Variants in TENM1 observed in about 807,000 individuals in gnomAD.
The protein encoded by TENM1 is teneurin transmembrane protein 1, also known as teneurin-1.
In TENM1, 35 loss-of-function variants were observed where a neutral mutation model predicts 174.8. The ratio of observed to expected loss-of-function variants is 0.20; its 90% CI spans 0.15 to 0.27. The LOEUF is 0.27. Among genes scored for constraint, TENM1 ranks in the 10% least tolerant of loss-of-function variants. TENM1 has a pLI of 1.00. For missense variants in TENM1, 1,633 were observed against 2,130.1 expected (o/e 0.77, Z 4.59); for synonymous variants, 781 against 798.7 (o/e 0.98, Z 0.37).
At chrX:125,006,011 C>G in the TENM1 span, among the ~76,000 whole-genome samples, 2,623 of 111,338 alleles carry the variant, frequency 0.024, 78 homozygotes, top group African/African-American at 0.079. Context: ...TCCAGTGAGA[C>G]AGGAGAACCG....
At chrX:125,186,478 G>A in the TENM1 span, among the ~76,000 whole-genome samples, 8 of 110,479 alleles carry the variant, frequency 7.2e-5, no homozygotes, top group African/African-American at 2.6e-4. Context: ...GGCCTGGTAC[G>A]AGGTGTTTAG....
At chrX:124,678,939 A>G (rs911589290) in intron 5 of TENM1, among the ~76,000 whole-genome samples, 15 of 111,671 alleles carry the variant, frequency 1.3e-4, no homozygotes, top group African/African-American at 4.9e-4. Flanking sequence ...ACACCTAACA[A>G]TAAATAGGGC....
At chrX:124,817,215 A>C (rs1418719350) in intron 3 of TENM1, among the ~76,000 whole-genome samples, 2 of 111,389 alleles carry the variant, frequency 1.8e-5, no homozygotes, top group Non-Finnish European at 1.9e-5. Flanking sequence ...AAAGGACATG[A>C]ACTCATCATT....
intron 23 of TENM1, among the ~76,000 whole-genome samples, chrX:124,444,899 C>T (rs777676371): frequency 4.5e-5 from 5 of 111,333 alleles, no homozygotes; most frequent in East Asian, 2.8e-4. Flanking sequence ...AGGGCTGTCA[C>T]GTGGAGGAGG....
intron 18 of TENM1, among the ~76,000 whole-genome samples, chrX:124,520,141 T>C (rs753855292): frequency 8.9e-6 from 1 of 112,001 alleles, no homozygotes; most frequent in African/African-American, 3.2e-5. Context: ...GAGATGGCCA[T>C]AAGTTAGAAT....
chrX:124,897,515 G>T (rs2057583253), intron 1 of TENM1, among the ~76,000 whole-genome samples: 1 of 111,738 alleles, frequency 8.9e-6, no homozygotes, highest in African/African-American at 3.2e-5. Context: ...AGCAGAATAT[G>T]AATATATTTT....
At chrX:125,200,654 TGAGAGAGAGA>T in the TENM1 span, among the ~76,000 whole-genome samples, 4 of 92,424 alleles carry the variant, frequency 4.3e-5, no homozygotes, top group Admixed American at 2.5e-4. Context: ...TGTGTGTGTG[TGAGAGAGAGA>T]GAGAGAGAGA....
intron 11 of TENM1, among the ~76,000 whole-genome samples, chrX:124,592,577 A>T (rs1339969480): frequency 9.2e-6 from 1 of 109,108 alleles, no homozygotes; most frequent in Non-Finnish European, 1.9e-5. Flanking sequence ...CTGAGACTAC[A>T]GGTGTGTGCC....
At chrX:124,546,849 A>C (rs1235699613) in intron 15 of TENM1, 25 bp downstream of exon 18, 1 of 1,116,211 alleles carries the variant, frequency 9.0e-7, no homozygotes, top group African/African-American at 1.8e-5. Flanking sequence ...TTGTTCACTA[A>C]GGAATAAAAT....
intron 23 of TENM1, 72 bp downstream of exon 26, chrX:124,453,265 C>A: frequency 9.7e-7 from 1 of 1,034,746 alleles, no homozygotes. Context: ...TACCTCATTT[C>A]TACATGAGAA....
At chrX:124,506,869 T>C (rs1040538929) in intron 18 of TENM1, among the ~76,000 whole-genome samples, 1 of 111,871 alleles carries the variant, frequency 8.9e-6, no homozygotes, top group Non-Finnish European at 1.9e-5. Context: ...TGCCTACTTT[T>C]TTCACATAAT....
chrX:124,695,504 T>C (rs1340040443), intron 5 of TENM1, among the ~76,000 whole-genome samples: 1 of 110,839 alleles, frequency 9.0e-6, no homozygotes, highest in Non-Finnish European at 1.9e-5. Flanking sequence ...AACTGACAGA[T>C]TGAAATAGTA....
At chrX:124,415,599 T>C (rs1313774272) in intron 25 of TENM1, among the ~76,000 whole-genome samples, 1 of 111,619 alleles carries the variant, frequency 9.0e-6, no homozygotes, top group Admixed American at 9.5e-5. Context: ...CTATTCTGGG[T>C]TTCGGTTTCT....
intron 1 of TENM1, among the ~76,000 whole-genome samples, chrX:124,936,799 C>A (rs942435856): frequency 9.0e-6 from 1 of 111,730 alleles, no homozygotes; most frequent in African/African-American, 3.3e-5. Flanking sequence ...GTAATCCCAG[C>A]ACTTTGGGAG....
chrX:124,972,335 T>G, the TENM1 span, among the ~76,000 whole-genome samples: 1 of 112,243 alleles, frequency 8.9e-6, no homozygotes, highest in African/African-American at 3.2e-5. Context: ...GTTTGCCATT[T>G]TCATTTTTGT....
At chrX:124,386,092 T>G in intron 28 of TENM1, 28 bp from the exon 32 acceptor site, 1 of 1,149,910 alleles carries the variant, frequency 8.7e-7, no homozygotes, top group Non-Finnish European at 1.2e-6. Context: ...CAGAATAGCA[T>G]ATTATGGACA....
chrX:125,049,807 T>C, the TENM1 span, among the ~76,000 whole-genome samples: 14 of 111,285 alleles, frequency 1.3e-4, no homozygotes, highest in African/African-American at 4.6e-4. Context: ...CATGCTCTTA[T>C]TGGTCATTTG....
the TENM1 span, among the ~76,000 whole-genome samples, chrX:125,019,288 A>G: frequency 3.6e-5 from 4 of 111,760 alleles, no homozygotes; most frequent in Admixed American, 3.8e-4. Context: ...GTCAGCAGCA[A>G]TGTTATTTAC....
intron 11 of TENM1, among the ~76,000 whole-genome samples, chrX:124,592,706 T>C (rs989075339): frequency 2.8e-4 from 30 of 108,947 alleles, no homozygotes; most frequent in African/African-American, 8.3e-4. Flanking sequence ...CCCCTTGGCC[T>C]CCCAAAGTGC....
Sources: allele counts gnomAD v4.1 joint callset (sites outside exome capture counted in the v4.1 genomes callset), GRCh38; gene constraint gnomAD v4.1.1; transcripts MANE v1.5; gene names NCBI Gene and HGNC (gene_info 2026-07-23, HGNC 2026-07-21).